Variants in LSM3 observed in about 807,000 individuals in gnomAD.
LSM3 encodes U6 snRNA-associated Sm-like protein LSm3.
A neutral mutation model predicts 15.4 loss-of-function variants in LSM3; 14 were observed. The observed-to-expected ratio is 0.91, with a 90% CI of 0.60 to 1.42. LSM3 has a LOEUF of 1.42. LSM3 is among the 40% of genes most tolerant of loss of function. The pLI, the probability that LSM3 is intolerant of heterozygous loss-of-function variation, is 0.00. For missense variants in LSM3, 88 were observed against 127.9 expected (o/e 0.69, Z 1.50); for synonymous variants, 46 against 45.1 (o/e 1.02, Z -0.08).
Position 14,200,754 on chromosome 3 carries a change from T to C in LSM3, c.*2638T>C, listed in dbSNP as rs1240844609. On this transcript the variant is annotated 3_prime_UTR_variant, in exon 4 of 4. Transcript: ENST00000306024. ...AAATGGACGATTTTCAAATTTCAAATAGTGATTTTTGAAGATTTGCCCAAA... is the reference window on the plus strand; with the variant it reads ...AAATGGACGATTTTCAAATTTCAAACAGTGATTTTTGAAGATTTGCCCAAA... 2 of 152,220 alleles carry C rather than the reference T, an allele frequency of 1.3e-5. No homozygotes were observed. The highest frequency in any genetic ancestry group is 4.8e-5 in the African/African-American group (2 of 41,452). 9.4% of individuals were successfully genotyped at this position (152,220 alleles called of 1,614,324 possible).
At chr3:14,194,551 C>T (rs1031023727) in intron 3 of LSM3, among the ~76,000 whole-genome samples, 40 of 152,270 alleles carry the variant, frequency 2.6e-4, no homozygotes, top group African/African-American at 9.6e-4. Flanking sequence ...ATACCTGACA[C>T]ATAATGGGCA....
chr3:14,190,336 C>G (rs886225419), intron 3 of LSM3, among the ~76,000 whole-genome samples: 2 of 152,102 alleles, frequency 1.3e-5, no homozygotes, highest in African/African-American at 4.8e-5. Flanking sequence ...TGAAGAAAGT[C>G]AGTGGTAGGT....
chr3:14,193,655 G>T (rs1311200618), intron 3 of LSM3, among the ~76,000 whole-genome samples: 1 of 152,054 alleles, frequency 6.6e-6, no homozygotes, highest in African/African-American at 2.4e-5. Flanking sequence ...CTCTACATTG[G>T]TTATTCTAGT....
chr3:14,186,625 A>G (rs1275665624), intron 3 of LSM3, among the ~76,000 whole-genome samples: 2 of 151,862 alleles, frequency 1.3e-5, no homozygotes. Flanking sequence ...TTATTTATTT[A>G]TGTATTTTTG....
chr3:14,190,725 G>A (rs1047636822), intron 3 of LSM3, among the ~76,000 whole-genome samples: 1 of 152,188 alleles, frequency 6.6e-6, no homozygotes, highest in African/African-American at 2.4e-5. Flanking sequence ...ATACAATCAT[G>A]TCATCTGCAA....
chr3:14,199,948 C>T lies in LSM3; in HGVS notation c.*1832C>T, dbSNP rs909594429. 3 of 152,256 alleles carry T rather than the reference C, an allele frequency of 2.0e-5. No individual in the cohort carries two copies. The highest frequency in any genetic ancestry group is 7.2e-5 in the African/African-American group (3 of 41,450). The allele number at this position is 152,256 out of a possible 1,614,324, so 9.4% of individuals were successfully genotyped here. A position where few individuals can be genotyped will look rare whatever the true frequency, so the allele number is the denominator to read the frequency against. On this transcript the variant is annotated 3_prime_UTR_variant, in exon 4 of 4. Transcript: ENST00000306024. ...GGGTGACAGGCCATCTGGCCTCGCTCTGCCAGTCTGCAGTTCTCCCCAGCA... is the reference window on the plus strand; with the variant it reads ...GGGTGACAGGCCATCTGGCCTCGCTTTGCCAGTCTGCAGTTCTCCCCAGCA...
intron 3 of LSM3, among the ~76,000 whole-genome samples, chr3:14,194,195 G>A (rs976179934): frequency 4.6e-5 from 7 of 152,154 alleles, no homozygotes; most frequent in African/African-American, 7.2e-5. Flanking sequence ...GGTGTCTGTC[G>A]GCCCCAACTG....
intron 3 of LSM3, among the ~76,000 whole-genome samples, chr3:14,191,844 G>T (rs1697142961): frequency 1.3e-5 from 2 of 151,810 alleles, no homozygotes; most frequent in South Asian, 4.1e-4. Flanking sequence ...GTTTGCTGTT[G>T]CTTCTCTAGT....
intron 2 of LSM3, among the ~76,000 whole-genome samples, chr3:14,183,277 C>G (rs9829926): frequency 6.6e-6 from 1 of 152,138 alleles, no homozygotes; most frequent in Non-Finnish European, 1.5e-5. Flanking sequence ...AACTTGAGTT[C>G]TGAACAAGGT....
chr3:14,184,215 A>T (rs1488272852), intron 3 of LSM3, among the ~76,000 whole-genome samples, 183 bp downstream of exon 3: 3 of 152,252 alleles, frequency 2.0e-5, no homozygotes, highest in South Asian at 2.1e-4. Context: ...TGGCTTGACC[A>T]CTTCCTACTT....
intron 2 of LSM3, among the ~76,000 whole-genome samples, chr3:14,183,524 T>G (rs1474022741): frequency 6.6e-6 from 1 of 152,234 alleles, no homozygotes; most frequent in Non-Finnish European, 1.5e-5. Flanking sequence ...TTTATCTTCT[T>G]TACTGTATTT....
chr3:14,180,821 C>CTTTTTT (rs1164090236), intron 1 of LSM3, among the ~76,000 whole-genome samples: 3 of 46,770 alleles, frequency 6.4e-5, no homozygotes, highest in Admixed American at 3.1e-4. Context: ...GCTTGCTTGC[C>CTTTTTT]TTTTTTTTTT....
At chr3:14,185,026 C>T (rs1697075075) in intron 3 of LSM3, among the ~76,000 whole-genome samples, 1 of 151,288 alleles carries the variant, frequency 6.6e-6, no homozygotes, top group African/African-American at 2.4e-5. Context: ...CATTGCCCTC[C>T]AGCCTTGTCA....
chr3:14,198,230 C>T lies in LSM3; in HGVS notation c.*114C>T, dbSNP rs1212818090. 1.7e-5 allele frequency: 13 copies of T among 768,040 alleles called. No homozygotes were observed. The East Asian group carries it at 1.8e-4, about 11-fold the overall frequency. 47.6% of individuals were successfully genotyped at this position (768,040 alleles called of 1,614,324 possible). Reference sequence around the variant, plus strand: ...ACATTTTGATATTAAGAAATAATTCCGGGGATTCTTCCACTCCTGAAATGA... The same window carrying T: ...ACATTTTGATATTAAGAAATAATTCTGGGGATTCTTCCACTCCTGAAATGA... On this transcript the variant is annotated 3_prime_UTR_variant, in exon 4 of 4. Transcript: ENST00000306024.
rs1164090236 is a variant in LSM3, at chr3:14,180,821, CTTTTTTT to C, written c.22-709_22-703del. ...GACTCCAAAGCCAGTGCTTGCTTGC[CTTTTTTT>C]TTTTTTTTTTTTTTTTTTTTTTTTT... On this transcript the variant is annotated intron_variant, in intron 1 of 3. Transcript: ENST00000306024. 5.6e-3 allele frequency among the ~76,000 whole-genome samples: 262 copies of C among 46,682 alleles called. 2 individuals carry two copies. The highest frequency in any genetic ancestry group is 0.02 in the African/African-American group (250 of 12,526). 30.6% of individuals were successfully genotyped at this position (46,682 alleles called of 152,430 possible). A position where few individuals can be genotyped will look rare whatever the true frequency, so the allele number is the denominator to read the frequency against.
At chr3:14,180,813 T>C in intron 1 of LSM3, among the ~76,000 whole-genome samples, 1 of 134,442 alleles carries the variant, frequency 7.4e-6, no homozygotes, top group Non-Finnish European at 1.6e-5. Flanking sequence ...AAGCCAGTGC[T>C]TGCTTGCCTT....
chr3:14,199,906 G>A lies in LSM3; in HGVS notation c.*1790G>A, dbSNP rs978715085. On this transcript the variant is annotated 3_prime_UTR_variant, in exon 4 of 4. Coordinates refer to ENST00000306024, the MANE Select transcript of LSM3 (RefSeq NM_014463.3). ...GCTCTGGGCAGTCTGTTGGCTCCTG[G>A]TGTTCACTAAGGCGTGGGGTGACAG... 2 of 152,354 alleles carry A rather than the reference G, an allele frequency of 1.3e-5. No individual in the cohort carries two copies. Among genetic ancestry groups the A allele is most frequent in the African/African-American group, 4.8e-5 (2 of 41,442 alleles). The allele number at this position is 152,354 out of a possible 1,614,324, so 9.4% of individuals were successfully genotyped here. A position where few individuals can be genotyped will look rare whatever the true frequency, so the allele number is the denominator to read the frequency against.
intron 3 of LSM3, among the ~76,000 whole-genome samples, chr3:14,184,907 A>G (rs955658089): frequency 1.3e-5 from 2 of 151,530 alleles, no homozygotes; most frequent in African/African-American, 2.4e-5. Flanking sequence ...AATACAAAAA[A>G]TTAGCTGGGT....
intron 3 of LSM3, among the ~76,000 whole-genome samples, chr3:14,196,676 G>C (rs1697190102): frequency 6.6e-6 from 1 of 152,136 alleles, no homozygotes; most frequent in African/African-American, 2.4e-5. Flanking sequence ...CCAATGTTTG[G>C]AACTTATACT....
Sources: allele counts gnomAD v4.1 joint callset (sites outside exome capture counted in the v4.1 genomes callset), GRCh38; gene constraint gnomAD v4.1.1; transcripts MANE v1.5; gene names NCBI Gene and HGNC (gene_info 2026-07-23, HGNC 2026-07-21).